The following ACKR2 variants were observed in gnomAD, a reference collection of about 807,000 sequenced individuals.
ACKR2 encodes atypical chemokine receptor 2.
For synonymous variants in ACKR2, 207 were observed against 192.2 expected, an observed-to-expected ratio of 1.08 and a Z score of -0.64; for missense variants, 457 against 477.3, an observed-to-expected ratio of 0.96 and a Z score of 0.40.
At chr3:42,856,315 G>A in intron 2 of ACKR2, 1 of 697,336 alleles carries the variant, frequency 1.4e-6, no homozygotes, top group Admixed American at 2.0e-5. Context: ...GAGCCCAAGG[G>A]TGGGGCAGAA....
rs373517478 is a variant in ACKR2 at position 42,849,487 on chromosome 3, G to C, written c.-37-14979G>C. 7.4e-4 allele frequency among the ~76,000 whole-genome samples: 112 copies of C among 152,034 alleles called. 1 individual carries two copies. The East Asian group carries it at 0.015, about 21-fold the overall frequency. On this transcript the variant is annotated intron_variant, in intron 2 of 2. Transcript: ENST00000422265. ...CCATTGCACTCCAGCCTGGGCAACA[G>C]AGTGAGACTCTGTCAAAAAAAAAAA... is the stretch of plus-strand genomic sequence containing the variant.
intron 2 of ACKR2, among the ~76,000 whole-genome samples, chr3:42,860,968 C>A (rs1047813393): frequency 2.6e-5 from 4 of 151,924 alleles, no homozygotes; most frequent in African/African-American, 9.7e-5. Context: ...GAAGCAAAAG[C>A]AAACAAATTC....
intron 2 of ACKR2, among the ~76,000 whole-genome samples, chr3:42,828,074 T>TTA (rs199846772): frequency 0.19 from 23,176 of 122,174 alleles, 2,409 homozygotes; most frequent in Admixed American, 0.26. Context: ...GATGCTTGCA[T>TTA]TATATATATA....
chr3:42,848,212 AATT>A lies in ACKR2; in HGVS notation c.-37-16253_-37-16251del, dbSNP rs1221475451. 2.9e-3 allele frequency among the ~76,000 whole-genome samples: 386 copies of A among 135,092 alleles called. 3 individuals are homozygous for A. The highest frequency in any genetic ancestry group is 9.4e-3 in the African/African-American group (362 of 38,614). 88.6% of individuals were successfully genotyped at this position (135,092 alleles called of 152,430 possible). A position where few individuals can be genotyped will look rare whatever the true frequency, so the allele number is the denominator to read the frequency against. On this transcript the variant is annotated intron_variant, in intron 2 of 2. Coordinates refer to ENST00000422265, the MANE Select transcript of ACKR2 (RefSeq NM_001296.5). ...AAGGCTAACTCTTTTAAAAAAAAAA[AATT>A]TTTTTTTTTTTTTTTTTTTTTGAGA... is the stretch of plus-strand genomic sequence containing the variant.
intron 2 of ACKR2, among the ~76,000 whole-genome samples, chr3:42,854,902 G>T (rs1415985798): frequency 6.6e-6 from 1 of 150,388 alleles, no homozygotes; most frequent in African/African-American, 2.5e-5. Flanking sequence ...TGTTGCCCAG[G>T]CTGTAGTGCA....
At chr3:42,834,865 C>G (rs1700971091) in intron 2 of ACKR2, 1 of 151,090 alleles carries the variant, frequency 6.6e-6, no homozygotes, top group Non-Finnish European at 1.5e-5. Flanking sequence ...GCATGAGCCA[C>G]TGTGCCCGGG....
chr3:42,832,993 A>G (rs914176213), intron 2 of ACKR2, among the ~76,000 whole-genome samples: 8 of 152,210 alleles, frequency 5.3e-5, no homozygotes, highest in Non-Finnish European at 1.5e-5. Context: ...CCTCCCGAGT[A>G]GCTGGGACTA....
intron 1 of ACKR2, among the ~76,000 whole-genome samples, chr3:42,813,842 A>C (rs771431861): frequency 6.6e-6 from 1 of 152,230 alleles, no homozygotes; most frequent in Non-Finnish European, 1.5e-5. Flanking sequence ...CTGTTGAGGA[A>C]TAGATGGAAT....
chr3:42,860,163 G>GAAAAAAAAAAA (rs2088367013), intron 2 of ACKR2, among the ~76,000 whole-genome samples: 3 of 4,926 alleles, frequency 6.1e-4, no homozygotes, highest in Non-Finnish European at 9.0e-4. Flanking sequence ...CAAATGGAAA[G>GAAAAAAAAAAA]CAAAAAAAAA....
intron 2 of ACKR2, among the ~76,000 whole-genome samples, chr3:42,832,688 G>A (rs181293030): frequency 1.3e-5 from 2 of 152,024 alleles, no homozygotes; most frequent in East Asian, 1.9e-4. Context: ...CATATGATCC[G>A]TATGTGTCAT....
chr3:42,864,489 C>G lies in ACKR2; in HGVS notation c.-14C>G, dbSNP rs2125626401. The G allele has an allele frequency of 6.3e-7, 1 of 1,583,162 alleles. No homozygotes were observed. Among genetic ancestry groups the G allele is most frequent in the South Asian group, 1.2e-5 (1 of 85,304 alleles). ...AGCACTACAGGACGTCGGGACTGGG[C>G]ATTTCCTTCCAACATGGCCGCCACT... On this transcript the variant is annotated 5_prime_UTR_variant, in exon 3 of 3. Coordinates refer to ENST00000422265, the MANE Select transcript of ACKR2 (RefSeq NM_001296.5).
intron 2 of ACKR2, among the ~76,000 whole-genome samples, chr3:42,820,098 A>C (rs1700794763): frequency 6.6e-6 from 1 of 152,210 alleles, no homozygotes; most frequent in Non-Finnish European, 1.5e-5. Context: ...TTGCATAATA[A>C]ATTGAGGACT....
intron 2 of ACKR2, among the ~76,000 whole-genome samples, chr3:42,821,084 C>T (rs954920117): frequency 6.6e-6 from 1 of 152,064 alleles, no homozygotes; most frequent in Admixed American, 6.5e-5. Context: ...CGAGGTTTCA[C>T]TATGTTTGCC....
At chr3:42,827,741 C>G (rs1384178699) in intron 2 of ACKR2, among the ~76,000 whole-genome samples, 2 of 152,094 alleles carry the variant, frequency 1.3e-5, no homozygotes, top group South Asian at 2.1e-4. Flanking sequence ...TTCACTTTGT[C>G]TCTCTCCCCA....
At chr3:42,823,919 G>A (rs1023027702) in intron 2 of ACKR2, among the ~76,000 whole-genome samples, 1 of 152,106 alleles carries the variant, frequency 6.6e-6, no homozygotes, top group Non-Finnish European at 1.5e-5. Flanking sequence ...AATCACAGTC[G>A]TCCCTTCGTA....
intron 1 of ACKR2, among the ~76,000 whole-genome samples, chr3:42,818,215 C>T (rs1700773410): frequency 6.6e-6 from 1 of 152,220 alleles, no homozygotes; most frequent in African/African-American, 2.4e-5. Flanking sequence ...TCTCTGCTCT[C>T]TACATCTCTC....
At chr3:42,823,339 C>T (rs1334836889) in intron 2 of ACKR2, among the ~76,000 whole-genome samples, 1 of 152,152 alleles carries the variant, frequency 6.6e-6, no homozygotes, top group African/African-American at 2.4e-5. Context: ...AGTAATCTGT[C>T]TCAATATCTC....
chr3:42,864,559 T>A lies in ACKR2; in HGVS notation c.57T>A (p.Asn19Lys), dbSNP rs762684097. 1.2e-6 allele frequency: 2 copies of A among 1,613,766 alleles called. No individual in the cohort carries two copies. The highest frequency in any genetic ancestry group is 3.3e-5 in the Admixed American group (2 of 60,000). Reference sequence around the variant, plus strand: ...CCACTGAGGATGCCGATTCTGAGAATAGCAGCTTCTATTACTATGACTACC... The same window carrying A: ...CCACTGAGGATGCCGATTCTGAGAAAAGCAGCTTCTATTACTATGACTACC... ...PLATEDADSE[N>K]SSFYYYDYLD... Residue 19 changes from asparagine to lysine, a missense_variant, in exon 3 of 3, where the codon AAT (asparagine) becomes AAA (lysine). By Grantham distance (94) the Asn-to-Lys change is moderately conservative. Transcript: ENST00000422265.
intron 2 of ACKR2, among the ~76,000 whole-genome samples, chr3:42,826,958 G>A (rs1292633903): frequency 6.6e-6 from 1 of 151,994 alleles, no homozygotes; most frequent in Admixed American, 6.6e-5. Context: ...AATCTCCCTT[G>A]TGATTTCTTC....
Sources: gnomAD v4.1 joint callset for allele counts (sites outside exome capture counted in the v4.1 genomes callset) on GRCh38, gnomAD v4.1.1 for gene constraint, MANE v1.5 for transcripts, NCBI Gene and HGNC (gene_info 2026-07-23, HGNC 2026-07-21) for gene names.